Variants in CLEC19A observed in about 807,000 individuals in gnomAD.
CLEC19A encodes the protein C-type lectin domain family 19 member A.
In CLEC19A, 21 loss-of-function variants were observed where a neutral mutation model predicts 26.1. The ratio of observed to expected loss-of-function variants is 0.80; its 90% confidence interval spans 0.57 to 1.16. The LOEUF (loss-of-function observed/expected upper bound fraction) is 1.16. Among genes scored for constraint, CLEC19A ranks in the 50% most tolerant of loss-of-function variants. CLEC19A has a pLI of 0.00. For synonymous variants in CLEC19A, 89 were observed against 88.6 expected (o/e 1.00, Z -0.03); for missense variants, 224 against 227.6 (o/e 0.98, Z 0.10).
At position 19,307,620 on chromosome 16, in the gene CLEC19A, G is replaced by A. The variant is rs150196116; in HGVS notation, c.424G>A (p.Val142Ile). The A allele has an allele frequency of 0.033, 51,174 of 1,548,280 alleles. 1,040 individuals are homozygous for A. Among genetic ancestry groups the A allele is most frequent in the Admixed American group, 0.075 (3,804 of 50,988 alleles). The change falls in exon 4 of 5, where the codon GTC (valine) becomes ATC (isoleucine). Residue 142 changes from valine (V) to isoleucine (I), a missense_variant. Physicochemically the swap from Val to Ile is conservative, Grantham distance 29. Transcript: ENST00000636231. ...GGATGGCAGCCAGCCAGATGATGGCGTCCACGCGGACCCAGAAGAAGAGGA... is the reference window on the plus strand; with the variant it reads ...GGATGGCAGCCAGCCAGATGATGGCATCCACGCGGACCCAGAAGAAGAGGA... Reference protein sequence around the residue: ...YWDGSQPDDGVHADPEEEDCV... With the variant: ...YWDGSQPDDGIHADPEEEDCV...
chr16:19,308,941 T>C, intron 4 of CLEC19A, 63 bp from the exon 5 acceptor site: 1 of 1,326,796 alleles, frequency 7.5e-7, no homozygotes, highest in East Asian at 2.5e-5. Flanking sequence ...AGAGGAGTGG[T>C]GGGGTTACTT....
intron 1 of CLEC19A, among the ~76,000 whole-genome samples, chr16:19,297,258 A>G (rs950483020): frequency 6.6e-6 from 1 of 152,244 alleles, no homozygotes; most frequent in Non-Finnish European, 1.5e-5. Flanking sequence ...TAGCTTGGCA[A>G]TAAACATGTG....
At chr16:19,286,143 C>T (rs188476044) in intron 1 of CLEC19A, among the ~76,000 whole-genome samples, 189 of 152,312 alleles carry the variant, frequency 1.2e-3, no homozygotes, top group Non-Finnish European at 1.6e-3. Flanking sequence ...CCCAGTTTTG[C>T]AGTTTACAAG....
chr16:19,301,752 T>TG (rs1897836336), intron 2 of CLEC19A, among the ~76,000 whole-genome samples: 1 of 133,896 alleles, frequency 7.5e-6, no homozygotes, highest in African/African-American at 2.8e-5. Context: ...TTTTTTTTTT[T>TG]TTTTTTTTTT....
chr16:19,297,904 A>G (rs1261617756), intron 1 of CLEC19A, among the ~76,000 whole-genome samples: 1 of 152,164 alleles, frequency 6.6e-6, no homozygotes, highest in Non-Finnish European at 1.5e-5. Context: ...GACCTCAAGC[A>G]TAGAATTGCA....
chr16:19,286,232 T>C (rs975632790), intron 1 of CLEC19A, among the ~76,000 whole-genome samples: 2 of 152,252 alleles, frequency 1.3e-5, no homozygotes, highest in African/African-American at 4.8e-5. Flanking sequence ...TGGCATTCTC[T>C]TTGGGCTACT....
intron 2 of CLEC19A, among the ~76,000 whole-genome samples, chr16:19,302,874 G>A (rs1237066275): frequency 6.6e-6 from 1 of 152,206 alleles, no homozygotes; most frequent in Non-Finnish European, 1.5e-5. Flanking sequence ...AGAAAGGGCA[G>A]TGCTAGAAAC....
intron 1 of CLEC19A, among the ~76,000 whole-genome samples, chr16:19,298,132 C>T (rs940337992): frequency 6.6e-6 from 1 of 151,530 alleles, no homozygotes; most frequent in African/African-American, 2.4e-5. Flanking sequence ...ATCCCAGCTA[C>T]TTGGCAGGCT....
At chr16:19,297,926 G>A (rs1380910044) in intron 1 of CLEC19A, among the ~76,000 whole-genome samples, 3 of 152,062 alleles carry the variant, frequency 2.0e-5, no homozygotes, top group Non-Finnish European at 4.4e-5. Context: ...AGATCATAAT[G>A]GGACATACTT....
At chr16:19,296,904 A>G (rs1290355525) in intron 1 of CLEC19A, among the ~76,000 whole-genome samples, 3 of 152,194 alleles carry the variant, frequency 2.0e-5, no homozygotes, top group Admixed American at 1.3e-4. Context: ...ATGGGAAAGA[A>G]TGAGCCAGCA....
intron 1 of CLEC19A, among the ~76,000 whole-genome samples, chr16:19,296,856 A>C: frequency 6.6e-6 from 1 of 152,212 alleles, no homozygotes; most frequent in East Asian, 1.9e-4. Context: ...GGATGGCTAC[A>C]AAAGGGACCC....
chr16:19,301,741 T>TTG lies in CLEC19A; in HGVS notation c.255-2320_255-2319insGT, dbSNP rs1259148584. On this transcript the variant is annotated intron_variant, in intron 2 of 4. Coordinates refer to ENST00000636231, the MANE Select transcript of CLEC19A (RefSeq NM_001256720.2). ...ACCATGCCCAGGTTTTTTTGGTTTTTTTTTTTTTTTTTTTTTTTTTTTTGT... is the reference window on the plus strand; with the variant it reads ...ACCATGCCCAGGTTTTTTTGGTTTTTTGTTTTTTTTTTTTTTTTTTTTTTTGT... Among the ~76,000 whole-genome samples, 52 of 96,772 alleles carry TTG rather than the reference T, an allele frequency of 5.4e-4. 3 individuals are homozygous for TTG. The highest frequency in any genetic ancestry group is 2.4e-3 in the African/African-American group (39 of 16,402). The allele number at this position is 96,772 out of a possible 152,430, so 63.5% of individuals were successfully genotyped here. A position where few individuals can be genotyped will look rare whatever the true frequency, so the allele number is the denominator to read the frequency against.
rs1373725658 is a variant in CLEC19A, at chr16:19,301,735, GGTT to G, written c.255-2326_255-2324del. Among the ~76,000 whole-genome samples, 132 of 35,124 alleles carry G rather than the reference GGTT, an allele frequency of 3.8e-3. 5 individuals are homozygous for G. Among genetic ancestry groups the G allele is most frequent in the African/African-American group, 0.017 (123 of 7,280 alleles). The allele number at this position is 35,124 out of a possible 152,430, so 23.0% of individuals were successfully genotyped here. ...CATGACACCATGCCCAGGTTTTTTT[GGTT>G]TTTTTTTTTTTTTTTTTTTTTTTTT... On this transcript the variant is annotated intron_variant, in intron 2 of 4. Coordinates refer to ENST00000636231, the MANE Select transcript of CLEC19A (RefSeq NM_001256720.2).
rs149041276 is a variant in CLEC19A, at chr16:19,300,166, T to C, written c.254+1328T>C. Among the ~76,000 whole-genome samples, 34 of 151,158 alleles carry C rather than the reference T, an allele frequency of 2.2e-4. 1 individual carries two copies. The highest frequency in any genetic ancestry group is 7.3e-4 in the African/African-American group (30 of 41,118). The stretch of plus-strand genomic sequence containing the variant: ...TTGAACCCAGGGGGCAGAAGTTGCA[T>C]TGAGCTGAGATCATGCCACTATACT... On this transcript the variant is annotated intron_variant, in intron 2 of 4. Coordinates refer to ENST00000636231, the MANE Select transcript of CLEC19A (RefSeq NM_001256720.2).
intron 4 of CLEC19A, 57 bp from the exon 5 acceptor site, chr16:19,308,947 T>G: frequency 7.2e-7 from 1 of 1,394,114 alleles, no homozygotes; most frequent in Non-Finnish European, 9.9e-7. Context: ...GTGGTGGGGT[T>G]ACTTTTATCT....
In CLEC19A at chr16:19,298,675, C is replaced by T. The variant is rs903501245; in HGVS notation, c.91C>T (p.Leu31=). 1 of 1,550,916 alleles carries T rather than the reference C, an allele frequency of 6.4e-7. No homozygotes were observed. The highest frequency in any genetic ancestry group is 1.4e-5 in the African/African-American group (1 of 73,050). ...PQTDISISPA[L]PELPLPSLCP... is the part of the protein sequence containing the mutation. ...GTCTGTTTCCTTTCTGCCCCCAGCC[C>T]TGCCAGAGCTGCCCCTGCCTTCCCT... is the stretch of plus-strand genomic sequence containing the variant. The change falls in exon 2 of 5, where the codon CTG becomes TTG. Residue 31 remains leucine (L), a splice_region_variant and synonymous_variant. Transcript: ENST00000636231.
intron 1 of CLEC19A, among the ~76,000 whole-genome samples, chr16:19,292,008 A>C (rs1250402722): frequency 6.6e-6 from 1 of 152,192 alleles, no homozygotes; most frequent in African/African-American, 2.4e-5. Context: ...TGGGAGGAGC[A>C]GACAGGGTTG....
At chr16:19,286,073 C>T in intron 1 of CLEC19A, 134 bp downstream of exon 1, 1 of 816,772 alleles carries the variant, frequency 1.2e-6, no homozygotes, top group Non-Finnish European at 2.0e-6. Flanking sequence ...AGCTTTCCCC[C>T]TACCAGCTTT....
At chr16:19,298,033 C>T (rs1195415769) in intron 1 of CLEC19A, among the ~76,000 whole-genome samples, 2 of 151,794 alleles carry the variant, frequency 1.3e-5, no homozygotes, top group Non-Finnish European at 2.9e-5. Flanking sequence ...GGCGGATCAC[C>T]TGAGGTCGAG....
Sources: allele counts gnomAD v4.1 joint callset (sites outside exome capture counted in the v4.1 genomes callset), GRCh38; gene constraint gnomAD v4.1.1; transcripts MANE v1.5; gene names NCBI Gene and HGNC (gene_info 2026-07-23, HGNC 2026-07-21).